The following EIF4E variants were observed in gnomAD, a reference collection of about 807,000 sequenced individuals.
EIF4E encodes the protein eIF-4F 25 kDa subunit.
For missense variants in EIF4E, 113 were observed against 265.6 expected (o/e 0.43, Z 3.99); for synonymous variants, 71 against 88.5 (o/e 0.80, Z 1.11).
chr4:98,927,279 A>G (rs1725911855), intron 1 of EIF4E, among the ~76,000 whole-genome samples: 1 of 152,244 alleles, frequency 6.6e-6, no homozygotes, highest in South Asian at 2.1e-4. Context: ...TTGAATTTTG[A>G]CAAGGTAAGG....
intron 1 of EIF4E, among the ~76,000 whole-genome samples, chr4:98,927,654 C>CAAAAAAAAA (rs774720176): frequency 3.7e-4 from 13 of 35,090 alleles, no homozygotes; most frequent in Non-Finnish European, 5.4e-4. Context: ...GACTCCATCT[C>CAAAAAAAAA]AAAAAAAAAA....
At chr4:98,905,946 C>G (rs2110203656) in intron 1 of EIF4E, among the ~76,000 whole-genome samples, 1 of 152,304 alleles carries the variant, frequency 6.6e-6, no homozygotes, top group South Asian at 2.1e-4. Flanking sequence ...TTTCCCAGAT[C>G]TAGCATCATT....
chr4:98,917,083 AACACACACACACACAC>A (rs751653561), intron 1 of EIF4E, among the ~76,000 whole-genome samples: 47 of 102,990 alleles, frequency 4.6e-4, no homozygotes, highest in South Asian at 3.2e-4. Context: ...ACCTTTTCTA[AACACACACACACACAC>A]ACACACACAC....
intron 1 of EIF4E, among the ~76,000 whole-genome samples, chr4:98,904,657 G>C (rs1213731411): frequency 6.6e-6 from 1 of 152,170 alleles, no homozygotes; most frequent in Non-Finnish European, 1.5e-5. Context: ...TGTAATCCCA[G>C]CTACTGGGGA....
chr4:98,922,811 T>C (rs752206836), intron 1 of EIF4E, among the ~76,000 whole-genome samples: 2 of 151,786 alleles, frequency 1.3e-5, no homozygotes, highest in African/African-American at 2.4e-5. Flanking sequence ...TTACTGAATA[T>C]AGTGTGACTA....
rs1470840791 is a variant in EIF4E, at chr4:98,901,914, A to T, written c.87T>A (p.Ala29=). The part of the protein sequence containing the change: ...EEKTESNQEV[A]NPEHYIKHPL... Reference sequence around the variant, plus strand: ...GATGTTTAATATAGTGTTCTGGGTTAGCAACCTCCTGATTAGATTCCGTTT... The same window carrying T: ...GATGTTTAATATAGTGTTCTGGGTTTGCAACCTCCTGATTAGATTCCGTTT... Residue 29 remains alanine, a synonymous_variant, in exon 2 of 7, where the codon GCT becomes GCA. Transcript: ENST00000450253. 1 of 1,612,662 alleles carries T rather than the reference A, an allele frequency of 6.2e-7. No individual in the cohort carries two copies.
chr4:98,889,465 G>T (rs1724062674), intron 3 of EIF4E, among the ~76,000 whole-genome samples: 1 of 152,072 alleles, frequency 6.6e-6, no homozygotes. Flanking sequence ...GTGCTCAAAG[G>T]TCTCTCAAGT....
At chr4:98,896,462 A>G (rs375114561) in intron 2 of EIF4E, among the ~76,000 whole-genome samples, 3 of 143,776 alleles carry the variant, frequency 2.1e-5, no homozygotes, top group East Asian at 4.1e-4. Flanking sequence ...CAGCCTGAGC[A>G]ACATAGCAAG....
At chr4:98,893,652 C>T (rs1724248183) in intron 2 of EIF4E, among the ~76,000 whole-genome samples, 2 of 152,204 alleles carry the variant, frequency 1.3e-5, no homozygotes, top group African/African-American at 4.8e-5. Flanking sequence ...CCATTTCTTA[C>T]TGTTGGTCTC....
chr4:98,881,349 T>A (rs942542636), intron 6 of EIF4E, among the ~76,000 whole-genome samples: 1 of 152,086 alleles, frequency 6.6e-6, no homozygotes, highest in African/African-American at 2.4e-5. Context: ...TTTAAAATAT[T>A]TGAGAGCGAG....
chr4:98,903,116 C>T (rs1724718957), intron 1 of EIF4E, among the ~76,000 whole-genome samples: 1 of 152,142 alleles, frequency 6.6e-6, no homozygotes, highest in Non-Finnish European at 1.5e-5. Flanking sequence ...GTGTTCACCA[C>T]ATTCTTCCAT....
intron 1 of EIF4E, among the ~76,000 whole-genome samples, chr4:98,917,220 C>G (rs1042578550): frequency 2.0e-5 from 3 of 151,732 alleles, no homozygotes; most frequent in Middle Eastern, 6.8e-3. Context: ...AGTTCCTCTT[C>G]TCTCCTTTAT....
intron 1 of EIF4E, chr4:98,903,496 G>T (rs1426561792): frequency 2.2e-6 from 1 of 455,634 alleles, no homozygotes; most frequent in African/African-American, 2.0e-5. Context: ...TAGGCACCAT[G>T]ATACCTGGCT....
Position 98,927,327 on chromosome 4 carries a change from G to A in EIF4E, c.18+1768C>T, listed in dbSNP as rs141689493. ...AACGCAATGAAAAATAAGCCTTTGTGTAGTCTATAAGAGTTTTTGAAATAG... is the reference window on the plus strand; with the variant it reads ...AACGCAATGAAAAATAAGCCTTTGTATAGTCTATAAGAGTTTTTGAAATAG... On this transcript the variant is annotated intron_variant, in intron 1 of 6. Coordinates refer to ENST00000450253, the MANE Select transcript of EIF4E (RefSeq NM_001968.5). Among the ~76,000 whole-genome samples the A allele has an allele frequency of 7.0e-3, 1,061 of 152,286 alleles. 13 individuals are homozygous for A. The highest frequency in any genetic ancestry group is 0.024 in the African/African-American group (988 of 41,558).
At chr4:98,885,447 T>TTTG (rs574486617) in intron 5 of EIF4E, among the ~76,000 whole-genome samples, 4 of 152,224 alleles carry the variant, frequency 2.6e-5, no homozygotes, top group East Asian at 3.9e-4. Flanking sequence ...GGTCTGGTTT[T>TTTG]TTGTTGTTGT....
chr4:98,883,190 T>C (rs573734675), intron 6 of EIF4E, among the ~76,000 whole-genome samples: 2 of 152,124 alleles, frequency 1.3e-5, no homozygotes, highest in South Asian at 4.1e-4. Context: ...GAGAATCACT[T>C]GAACCCAAGA....
At chr4:98,916,511 T>C (rs1173048910) in intron 1 of EIF4E, among the ~76,000 whole-genome samples, 4 of 152,066 alleles carry the variant, frequency 2.6e-5, no homozygotes, top group Non-Finnish European at 2.9e-5. Context: ...ATATTAAAAA[T>C]GCCCAATGAG....
At chr4:98,891,786 C>T (rs1724151552) in intron 2 of EIF4E, among the ~76,000 whole-genome samples, 1 of 152,148 alleles carries the variant, frequency 6.6e-6, no homozygotes, top group Admixed American at 6.5e-5. Context: ...ATAGTTAATA[C>T]TGTAAATGTT....
At chr4:98,895,175 G>A (rs1183038988) in intron 2 of EIF4E, 2 of 152,184 alleles carry the variant, frequency 1.3e-5, no homozygotes, top group African/African-American at 4.8e-5. Context: ...AATATCGTGA[G>A]AATTACCGAA....
Sources: allele counts gnomAD v4.1 joint callset (sites outside exome capture counted in the v4.1 genomes callset), GRCh38; gene constraint gnomAD v4.1.1; transcripts MANE v1.5; gene names NCBI Gene and HGNC (gene_info 2026-07-23, HGNC 2026-07-21).